IGSF3: variants seen among roughly 807,000 people sequenced by gnomAD.
IGSF3 encodes immunoglobulin superfamily member 3.
In IGSF3, 23 loss-of-function variants were observed where a neutral mutation model predicts 114.4. The observed-to-expected ratio is 0.20, with a 90% CI of 0.14 to 0.28. The LOEUF (loss-of-function observed/expected upper bound fraction) is 0.28. Ranked by LOEUF, IGSF3 falls within the 10% of genes least tolerant of loss-of-function variation. The pLI is 1.00. For missense variants in IGSF3, 1,172 were observed against 1,591.5 expected (o/e 0.74, Z 4.48); for synonymous variants, 571 against 645.2 (o/e 0.88, Z 1.74).
rs544908199 is a variant in IGSF3 at position 116,649,850 on chromosome 1, C to T, written c.43+16434G>A. Among the ~76,000 whole-genome samples, 1 of 152,294 alleles carries T rather than the reference C, an allele frequency of 6.6e-6. No homozygotes were observed. The highest frequency in any genetic ancestry group is 6.5e-5 in the Admixed American group (1 of 15,298). On this transcript the variant is annotated intron_variant, in intron 2 of 10. Coordinates refer to ENST00000369486, the MANE Select transcript of IGSF3 (RefSeq NM_001007237.3). The surrounding 1 kb of genome is among the most constrained non-coding windows in gnomAD (Gnocchi z 4.5). ...AATTTGAGGTGCTCTAGAATCTGTC[C>T]GTGGAATTAGTCAGGACATAATCTC...
chr1:116,612,395 C>T lies in IGSF3; in HGVS notation c.832+1370G>A, dbSNP rs1014267052. ...TGATGTCCAGAGAATTGCTTCTGCCCTAGAAGCTTTGCTTGAAAAAAATGT... is the reference window on the plus strand; with the variant it reads ...TGATGTCCAGAGAATTGCTTCTGCCTTAGAAGCTTTGCTTGAAAAAAATGT... On this transcript the variant is annotated intron_variant, in intron 4 of 10. Coordinates refer to ENST00000369486, the MANE Select transcript of IGSF3 (RefSeq NM_001007237.3). This position sits in a 1 kb window ranked among gnomAD's most constrained non-coding sequence, Gnocchi z 4.1. Among the ~76,000 whole-genome samples the T allele has an allele frequency of 6.6e-6, 1 of 151,960 alleles. No homozygotes were observed. Among genetic ancestry groups the T allele is most frequent in the Non-Finnish European group, 1.5e-5 (1 of 67,996 alleles).
In IGSF3 at chr1:116,575,129, C is replaced by T. The variant is rs1222012319; in HGVS notation, c.*2183G>A. 4 of 152,634 alleles carry T rather than the reference C, an allele frequency of 2.6e-5. No individual in the cohort carries two copies. Among genetic ancestry groups the T allele is most frequent in the South Asian group, 2.1e-4 (1 of 4,830 alleles). 9.5% of individuals were successfully genotyped at this position (152,634 alleles called of 1,614,324 possible). A position where few individuals can be genotyped will look rare whatever the true frequency, so the allele number is the denominator to read the frequency against. Reference sequence around the variant, plus strand: ...CAACCTCCCATTTAGACAGAGGAAACGCCAGTCATCTTCCCTCATTGACTC... The same window carrying T: ...CAACCTCCCATTTAGACAGAGGAAATGCCAGTCATCTTCCCTCATTGACTC... On this transcript the variant is annotated 3_prime_UTR_variant, in exon 11 of 11. Coordinates refer to ENST00000369486, the MANE Select transcript of IGSF3 (RefSeq NM_001007237.3). The surrounding 1 kb of genome is among the most constrained non-coding windows in gnomAD (Gnocchi z 5.6).
Position 116,588,672 on chromosome 1 carries a change from C to G in IGSF3, c.2440+22G>C, listed in dbSNP as rs557772051. ...CTGCACTAAACCCACTGGCCCAGGA[C>G]AGCCGTGCCCTGCGGCCTTACCTGG... On this transcript the variant is annotated intron_variant, in intron 8 of 10. Transcript: ENST00000369486. The surrounding 1 kb of genome is among the most constrained non-coding windows in gnomAD (Gnocchi z 4.9). The G allele has an allele frequency of 6.7e-5, 103 of 1,533,616 alleles. No homozygotes were observed. Among genetic ancestry groups the G allele is most frequent in the African/African-American group, 2.3e-4 (17 of 73,144 alleles).
At position 116,612,771 on chromosome 1, in the gene IGSF3, A is replaced by C. The variant is rs1430902780; in HGVS notation, c.832+994T>G. On this transcript the variant is annotated intron_variant, in intron 4 of 10. Coordinates refer to ENST00000369486, the MANE Select transcript of IGSF3 (RefSeq NM_001007237.3). The surrounding 1 kb of genome is among the most constrained non-coding windows in gnomAD (Gnocchi z 4.1). Reference sequence around the variant, plus strand: ...CTTTCAGGCCACTCATCGCCAACTTAGTGATGGCACAACAACCATGCTCCA... The same window carrying C: ...CTTTCAGGCCACTCATCGCCAACTTCGTGATGGCACAACAACCATGCTCCA... Among the ~76,000 whole-genome samples the C allele has an allele frequency of 6.6e-6, 1 of 152,252 alleles. No homozygotes were observed. Among genetic ancestry groups the C allele is most frequent in the African/African-American group, 2.4e-5 (1 of 41,474 alleles).
intron 2 of IGSF3, among the ~76,000 whole-genome samples, chr1:116,660,262 C>T (rs1571199139): frequency 6.6e-6 from 1 of 152,266 alleles, no homozygotes. Context: ...TTTCTGAACA[C>T]TCAGCCCATG....
intron 2 of IGSF3, among the ~76,000 whole-genome samples, chr1:116,620,937 T>C (rs1303733685): frequency 6.6e-6 from 1 of 152,152 alleles, no homozygotes; most frequent in Admixed American, 6.5e-5. Context: ...GACGGGATGA[T>C]ATGGTTGGGG....
chr1:116,647,703 G>C lies in IGSF3; in HGVS notation c.43+18581C>G, dbSNP rs1648458921. On this transcript the variant is annotated intron_variant, in intron 2 of 10. Coordinates refer to ENST00000369486, the MANE Select transcript of IGSF3 (RefSeq NM_001007237.3). This position sits in a 1 kb window ranked among gnomAD's most constrained non-coding sequence, Gnocchi z 4.6. Reference sequence around the variant, plus strand: ...GGGCGGACAGAGGCAAGGATGACCGGAACAAGACAAACAAACGAAAGGCCG... The same window carrying C: ...GGGCGGACAGAGGCAAGGATGACCGCAACAAGACAAACAAACGAAAGGCCG... Among the ~76,000 whole-genome samples the C allele has an allele frequency of 6.6e-6, 1 of 152,226 alleles. No individual in the cohort carries two copies. The highest frequency in any genetic ancestry group is 2.4e-5 in the African/African-American group (1 of 41,456).
In IGSF3 at chr1:116,610,469, A is replaced by C. The variant is rs1001976345; in HGVS notation, c.833-2138T>G. ...TGCCCTTGGTTATGCCCAGTCAATT[A>C]CATCTCTAGAAACTGACCTGTGCTT... is the stretch of plus-strand genomic sequence containing the variant. On this transcript the variant is annotated intron_variant, in intron 4 of 10. Coordinates refer to ENST00000369486, the MANE Select transcript of IGSF3 (RefSeq NM_001007237.3). The surrounding 1 kb of genome is among the most constrained non-coding windows in gnomAD (Gnocchi z 4.3). 5.3e-5 allele frequency among the ~76,000 whole-genome samples: 8 copies of C among 152,130 alleles called. No homozygotes were observed. Among genetic ancestry groups the C allele is most frequent in the African/African-American group, 1.9e-4 (8 of 41,416 alleles).
intron 2 of IGSF3, among the ~76,000 whole-genome samples, chr1:116,631,062 T>G (rs1647551179): frequency 6.6e-6 from 1 of 152,102 alleles, no homozygotes; most frequent in Admixed American, 6.5e-5. Context: ...CTCACGCCTG[T>G]AATCCCAGCA....
chr1:116,596,070 A>G lies in IGSF3; in HGVS notation c.2029+3871T>C, dbSNP rs1180079219. Among the ~76,000 whole-genome samples, 1 of 152,246 alleles carries G rather than the reference A, an allele frequency of 6.6e-6. No homozygotes were observed. The highest frequency in any genetic ancestry group is 1.5e-5 in the Non-Finnish European group (1 of 68,052). On this transcript the variant is annotated intron_variant, in intron 7 of 10. Coordinates refer to ENST00000369486, the MANE Select transcript of IGSF3 (RefSeq NM_001007237.3). This position sits in a 1 kb window ranked among gnomAD's most constrained non-coding sequence, Gnocchi z 4.1. ...GGAATGGTCAAATAACAGATCCACAAGTCAACTGTGCCATCCAACCAGAGA... is the reference window on the plus strand; with the variant it reads ...GGAATGGTCAAATAACAGATCCACAGGTCAACTGTGCCATCCAACCAGAGA...
rs778967649 is a variant in IGSF3 at position 116,588,947 on chromosome 1, A to G, written c.2187T>C (p.Leu729=). Reference sequence around the variant, plus strand: ...CGGAGTTGTGGGTGGTCTTCAGGATAAGCTTGCCATCGGCATCCGAGGGCT... The same window carrying G: ...CGGAGTTGTGGGTGGTCTTCAGGATGAGCTTGCCATCGGCATCCGAGGGCT... The part of the protein sequence containing the change: ...VHKPSDADGK[L]ILKTTHNSAF... The change falls in exon 8 of 11, where the codon CTT becomes CTC. Residue 729 remains leucine (L), a synonymous_variant. Coordinates refer to ENST00000369486, the MANE Select transcript of IGSF3 (RefSeq NM_001007237.3). The surrounding 1 kb of genome is among the most constrained non-coding windows in gnomAD (Gnocchi z 4.9). The G allele has an allele frequency of 6.2e-7, 1 of 1,614,168 alleles. No homozygotes were observed. Among genetic ancestry groups the G allele is most frequent in the Non-Finnish European group, 8.5e-7 (1 of 1,180,032 alleles).
rs187352166 is a variant in IGSF3, at chr1:116,598,774, G to A, written c.2029+1167C>T. Among the ~76,000 whole-genome samples the A allele has an allele frequency of 2.3e-3, 356 of 152,320 alleles. 2 individuals are homozygous for A. Among genetic ancestry groups the A allele is most frequent in the African/African-American group, 8.0e-3 (333 of 41,568 alleles). ...GCTGGGCGAGGGAAGGAACACGGGA[G>A]CCTACTGCCTGGGCTCCACCCTCCA... On this transcript the variant is annotated intron_variant, in intron 7 of 10. Coordinates refer to ENST00000369486, the MANE Select transcript of IGSF3 (RefSeq NM_001007237.3). This position sits in a 1 kb window ranked among gnomAD's most constrained non-coding sequence, Gnocchi z 4.3.
chr1:116,641,952 GGTTTGTTTGTTT>G (rs927041183), intron 2 of IGSF3, among the ~76,000 whole-genome samples: 1 of 150,910 alleles, frequency 6.6e-6, no homozygotes, highest in Admixed American at 6.6e-5. Context: ...GAGTTTTTTT[GGTTTGTTTGTTT>G]GTTTGTTTGG....
chr1:116,588,999 T>C lies in IGSF3; in HGVS notation c.2135A>G (p.His712Arg). 6.2e-7 allele frequency: 1 copy of C among 1,614,164 alleles called. No homozygotes were observed. The highest frequency in any genetic ancestry group is 1.3e-5 in the African/African-American group (1 of 75,044). ...SVKSQTSQNS[H>R]FAVLWYVHKP... is the part of the protein sequence containing the mutation. ...GTGGACATACCAGAGCACCGCAAAG[T>C]GGGAGTTCTGGCTAGTCTGAGACTT... is the stretch of plus-strand genomic sequence containing the variant. Residue 712 changes from histidine to arginine, a missense_variant, in exon 8 of 11, where the codon CAC becomes CGC. Coordinates refer to ENST00000369486, the MANE Select transcript of IGSF3 (RefSeq NM_001007237.3). This position sits in a 1 kb window ranked among gnomAD's most constrained non-coding sequence, Gnocchi z 4.9.
At chr1:116,601,691 G>A (rs1401483186) in intron 6 of IGSF3, among the ~76,000 whole-genome samples, 1 of 152,196 alleles carries the variant, frequency 6.6e-6, no homozygotes, top group Non-Finnish European at 1.5e-5. Context: ...TGAAAACTCT[G>A]GACCTTTGAT....
chr1:116,639,980 C>T (rs929998393), intron 2 of IGSF3, among the ~76,000 whole-genome samples: 5 of 138,316 alleles, frequency 3.6e-5, no homozygotes, highest in African/African-American at 1.4e-4. Context: ...ACAGAGGTTG[C>T]AATGAGCCGA....
At chr1:116,597,403 G>A (rs533303526) in intron 7 of IGSF3, among the ~76,000 whole-genome samples, 74 of 152,306 alleles carry the variant, frequency 4.9e-4, no homozygotes, top group African/African-American at 1.7e-3. Context: ...AGTGCTAAAT[G>A]CATAAATATT....
chr1:116,604,554 G>C (rs926881933), intron 5 of IGSF3, among the ~76,000 whole-genome samples: 2 of 152,212 alleles, frequency 1.3e-5, no homozygotes, highest in Admixed American at 1.3e-4. Context: ...GTATTGGGAC[G>C]ATAACGTGTG....
Position 116,583,971 on chromosome 1 carries a change from A to T in IGSF3, c.2848+674T>A, listed in dbSNP as rs1391966344. On this transcript the variant is annotated intron_variant, in intron 9 of 10. Coordinates refer to ENST00000369486, the MANE Select transcript of IGSF3 (RefSeq NM_001007237.3). The surrounding 1 kb of genome is among the most constrained non-coding windows in gnomAD (Gnocchi z 4.5). ...AAAAGCCGAGGCGGTGGTGGGGGTC[A>T]CGAGGTCAGGAGATCGAGACCAGCT... Among the ~76,000 whole-genome samples, 2 of 152,198 alleles carry T rather than the reference A, an allele frequency of 1.3e-5. No homozygotes were observed. The highest frequency in any genetic ancestry group is 2.9e-5 in the Non-Finnish European group (2 of 68,028).
Sources: gnomAD v4.1 joint callset for allele counts (sites outside exome capture counted in the v4.1 genomes callset) on GRCh38, gnomAD v4.1.1 for gene constraint, Gnocchi (gnomAD v3.1) non-coding constraint, MANE v1.5 for transcripts, NCBI Gene and HGNC (gene_info 2026-07-23, HGNC 2026-07-21) for gene names.